The following GRID2 variants were observed in gnomAD, a reference collection of about 807,000 sequenced individuals.
GRID2 encodes glutamate receptor ionotropic, delta-2.
Under a neutral mutation model 114.8 loss-of-function variants are expected in GRID2, and 33 were observed. That is an observed-to-expected ratio of 0.29 (90% CI 0.22 to 0.38). The LOEUF is 0.38. GRID2 is among the 10% of genes least tolerant of loss of function. GRID2 has a pLI of 1.00. For synonymous variants in GRID2, 505 were observed against 449.9 expected (o/e 1.12, Z -1.55); for missense variants, 1,184 against 1,257.7 (o/e 0.94, Z 0.89).
intron 9 of GRID2, among the ~76,000 whole-genome samples, chr4:93,413,801 A>T (rs1767443036): frequency 6.6e-6 from 1 of 152,192 alleles, no homozygotes; most frequent in Non-Finnish European, 1.5e-5. Flanking sequence ...ATGTAGGGAT[A>T]AAAAAGAAAG....
chr4:93,671,998 A>G (rs903820227), intron 14 of GRID2, among the ~76,000 whole-genome samples: 2 of 150,894 alleles, frequency 1.3e-5, no homozygotes, highest in Non-Finnish European at 3.0e-5. Context: ...GATAAAATAA[A>G]AAAATATAAT....
chr4:92,886,926 T>C lies in GRID2; in HGVS notation c.245-198069T>C. Among the ~76,000 whole-genome samples the C allele has an allele frequency of 1.3e-5, 2 of 152,088 alleles. 1 individual carries two copies. The highest frequency in any genetic ancestry group is 2.9e-5 in the Non-Finnish European group (2 of 68,022). ...AGGCGTGAGCCACCACGACTGGCCC[T>C]TACCTTGCTATTATTTTTTGGGGGA... On this transcript the variant is annotated intron_variant, in intron 2 of 15. Transcript: ENST00000282020.
intron 15 of GRID2, 50 bp downstream of exon 15, chr4:93,769,500 A>G (rs1225786573): frequency 5.6e-6 from 9 of 1,592,952 alleles, no homozygotes; most frequent in Non-Finnish European, 6.0e-6. Context: ...AGCAGGCTGT[A>G]TTTCCAGGGA....
chr4:93,251,412 C>A (rs952668421), intron 8 of GRID2, among the ~76,000 whole-genome samples: 10 of 152,092 alleles, frequency 6.6e-5, no homozygotes, highest in African/African-American at 1.9e-4. Context: ...ATCTATAACA[C>A]TAGGTTATAA....
chr4:92,811,986 A>T (rs1740683856), intron 2 of GRID2, among the ~76,000 whole-genome samples: 1 of 152,156 alleles, frequency 6.6e-6, no homozygotes. Flanking sequence ...AAATCTTGAG[A>T]ATAGGCATTT....
chr4:92,599,504 A>G (rs1447153759), intron 2 of GRID2, among the ~76,000 whole-genome samples: 2 of 152,160 alleles, frequency 1.3e-5, no homozygotes, highest in Admixed American at 6.6e-5. Context: ...ACATAGGGAA[A>G]TATTAACTTT....
chr4:93,393,107 T>A (rs557197516), intron 8 of GRID2, among the ~76,000 whole-genome samples: 4 of 152,038 alleles, frequency 2.6e-5, no homozygotes, highest in Non-Finnish European at 5.9e-5. Context: ...GATAAGAGAA[T>A]GTACTTTATT....
chr4:93,227,337 C>T (rs539141245), intron 7 of GRID2, among the ~76,000 whole-genome samples: 19 of 152,048 alleles, frequency 1.2e-4, no homozygotes, highest in African/African-American at 4.3e-4. Flanking sequence ...AAGTGATTCT[C>T]CAGCCCCAGC....
At chr4:92,624,026 A>T (rs937108339) in intron 2 of GRID2, among the ~76,000 whole-genome samples, 3 of 151,880 alleles carry the variant, frequency 2.0e-5, no homozygotes, top group Non-Finnish European at 4.4e-5. Flanking sequence ...AGACTGCAGA[A>T]CATACTGTAG....
chr4:92,558,694 A>T (rs921386509), intron 1 of GRID2, among the ~76,000 whole-genome samples: 3 of 152,116 alleles, frequency 2.0e-5, no homozygotes, highest in Non-Finnish European at 1.5e-5. Context: ...GCTGCCTTTT[A>T]TGACAGTTAG....
intron 2 of GRID2, among the ~76,000 whole-genome samples, chr4:92,787,150 A>T (rs1739358446): frequency 6.6e-6 from 1 of 151,910 alleles, no homozygotes; most frequent in Non-Finnish European, 1.5e-5. Flanking sequence ...TTTAGAATAC[A>T]TGTGTTGAGC....
intron 1 of GRID2, among the ~76,000 whole-genome samples, chr4:92,520,506 C>G (rs79079531): frequency 6.6e-6 from 1 of 152,078 alleles, no homozygotes; most frequent in Non-Finnish European, 1.5e-5. Flanking sequence ...CAGCAAGCAT[C>G]TCTGCTGATT....
At chr4:93,104,492 A>G (rs1021762609) in intron 3 of GRID2, among the ~76,000 whole-genome samples, 2 of 150,168 alleles carry the variant, frequency 1.3e-5, no homozygotes, top group African/African-American at 2.5e-5. Context: ...AGAGTGTGAT[A>G]TTTCCCTTCC....
At chr4:93,452,757 A>G (rs184087785) in intron 10 of GRID2, among the ~76,000 whole-genome samples, 151 of 152,268 alleles carry the variant, frequency 9.9e-4, no homozygotes, top group African/African-American at 3.2e-3. Flanking sequence ...AAAAGTGGAC[A>G]AGTGAGTTGA....
intron 8 of GRID2, among the ~76,000 whole-genome samples, chr4:93,395,330 T>G (rs1765227671): frequency 6.6e-6 from 1 of 152,030 alleles, no homozygotes; most frequent in African/African-American, 2.4e-5. Context: ...TTACTGGGAC[T>G]GAGTGATTGG....
chr4:92,524,214 A>C (rs967382908), intron 1 of GRID2, among the ~76,000 whole-genome samples: 9 of 152,036 alleles, frequency 5.9e-5, no homozygotes, highest in African/African-American at 2.2e-4. Flanking sequence ...TCCTAGACTT[A>C]GGGAGTCAAA....
At chr4:93,224,040 A>G (rs1745192757) in intron 6 of GRID2, among the ~76,000 whole-genome samples, 1 of 152,152 alleles carries the variant, frequency 6.6e-6, no homozygotes, top group South Asian at 2.1e-4. Context: ...ATACCTGTAT[A>G]ATTTTGTATA....
At chr4:92,455,007 G>A (rs1721133084) in intron 1 of GRID2, among the ~76,000 whole-genome samples, 1 of 152,094 alleles carries the variant, frequency 6.6e-6, no homozygotes, top group Admixed American at 6.5e-5. Flanking sequence ...AGATTCTACT[G>A]TATGTCTAGC....
intron 14 of GRID2, among the ~76,000 whole-genome samples, chr4:93,683,981 A>G (rs1350065992): frequency 6.6e-6 from 1 of 152,088 alleles, no homozygotes; most frequent in East Asian, 1.9e-4. Flanking sequence ...GAGGAGAGAC[A>G]TAAGGTAAGG....
Sources: allele counts gnomAD v4.1 joint callset (sites outside exome capture counted in the v4.1 genomes callset), GRCh38; gene constraint gnomAD v4.1.1; transcripts MANE v1.5; gene names NCBI Gene and HGNC (gene_info 2026-07-23, HGNC 2026-07-21).